NALF1: variants seen among roughly 807,000 people sequenced by gnomAD.
The protein encoded by NALF1 is NALCN channel auxiliary factor 1.
Under a neutral mutation model 48.4 loss-of-function variants are expected in NALF1, and 3 were observed. The observed-to-expected ratio is 0.06, with a 90% CI of 0.03 to 0.16. The LOEUF (loss-of-function observed/expected upper bound fraction) is 0.16. Among genes scored for constraint, NALF1 ranks in the 10% least tolerant of loss-of-function variants. The pLI is 1.00. For synonymous variants in NALF1, 262 were observed against 245.7 expected (o/e 1.07, Z -0.62); for missense variants, 526 against 571.5 (o/e 0.92, Z 0.81).
chr13:107,782,181 G>A (rs534725718), intron 1 of NALF1, among the ~76,000 whole-genome samples: 13 of 152,270 alleles, frequency 8.5e-5, no homozygotes, highest in African/African-American at 3.1e-4. Flanking sequence ...AGCCTGCCGA[G>A]TGCCTGCGAT....
intron 1 of NALF1, among the ~76,000 whole-genome samples, chr13:107,523,595 G>C (rs1594109143): frequency 7.4e-6 from 1 of 135,720 alleles, no homozygotes; most frequent in African/African-American, 2.8e-5. Flanking sequence ...CAGAGTTCCA[G>C]TTGTCAAGTC....
At chr13:107,384,253 AAAAAC>A (rs529162085) in intron 1 of NALF1, among the ~76,000 whole-genome samples, 12 of 151,946 alleles carry the variant, frequency 7.9e-5, no homozygotes, top group Non-Finnish European at 1.0e-4. Context: ...ATCCTGTCTC[AAAAAC>A]AAAACAAAAC....
Position 107,297,671 on chromosome 13 carries a change from T to C in NALF1, c.916-86916A>G, listed in dbSNP as rs900486665. On this transcript the variant is annotated intron_variant, in intron 1 of 2. Coordinates refer to ENST00000375915, the MANE Select transcript of NALF1 (RefSeq NM_001080396.3). Reference sequence around the variant, plus strand: ...ACATTTGAAAGGAGGCCTAGCCCGATAGATATAATTCAAACTGAAGTTAAA... The same window carrying C: ...ACATTTGAAAGGAGGCCTAGCCCGACAGATATAATTCAAACTGAAGTTAAA... Among the ~76,000 whole-genome samples the C allele has an allele frequency of 3.3e-5, 5 of 152,362 alleles. No individual in the cohort carries two copies. The East Asian group carries it at 5.8e-4, about 18-fold the overall frequency.
intron 1 of NALF1, among the ~76,000 whole-genome samples, chr13:107,740,985 T>C (rs185401269): frequency 5.2e-4 from 79 of 152,376 alleles, no homozygotes; most frequent in Admixed American, 9.8e-4. Context: ...TCATGATGTT[T>C]ATTCATTCAT....
intron 1 of NALF1, among the ~76,000 whole-genome samples, chr13:107,644,735 A>AG (rs1464682721): frequency 6.7e-6 from 1 of 149,708 alleles, no homozygotes; most frequent in Non-Finnish European, 1.5e-5. Context: ...GGTCTAAAAC[A>AG]TGGTCTTAAA....
intron 2 of NALF1, among the ~76,000 whole-genome samples, chr13:107,172,918 C>G (rs1878835670): frequency 1.3e-5 from 2 of 152,154 alleles, no homozygotes. Context: ...TTCATTCAGG[C>G]CAATAAATGA....
intron 1 of NALF1, among the ~76,000 whole-genome samples, chr13:107,229,020 T>G (rs1880165628): frequency 6.6e-6 from 1 of 152,126 alleles, no homozygotes; most frequent in African/African-American, 2.4e-5. Flanking sequence ...GATTATCCTC[T>G]GTGGTTTAAG....
At chr13:107,240,035 CACTT>C (rs1156847833) in intron 1 of NALF1, among the ~76,000 whole-genome samples, 5 of 152,272 alleles carry the variant, frequency 3.3e-5, no homozygotes, top group East Asian at 3.9e-4. Context: ...GTAGGAATGT[CACTT>C]ACAAGTCACA....
intron 1 of NALF1, among the ~76,000 whole-genome samples, chr13:107,581,669 A>G (rs1465114267): frequency 6.6e-6 from 1 of 152,208 alleles, no homozygotes; most frequent in Non-Finnish European, 1.5e-5. Context: ...ATGTCTGGAT[A>G]ATGGATATAT....
At chr13:107,587,774 AGATT>A (rs1242001674) in intron 1 of NALF1, among the ~76,000 whole-genome samples, 1 of 152,096 alleles carries the variant, frequency 6.6e-6, no homozygotes, top group Non-Finnish European at 1.5e-5. Context: ...TTTTTTTATT[AGATT>A]AATTGTTGTC....
At chr13:107,225,058 G>C (rs1419488006) in intron 1 of NALF1, among the ~76,000 whole-genome samples, 1 of 151,986 alleles carries the variant, frequency 6.6e-6, no homozygotes, top group Non-Finnish European at 1.5e-5. Context: ...ACCCAGGCTG[G>C]AGTGCAGTGG....
chr13:107,438,680 G>C (rs537834100), intron 1 of NALF1, among the ~76,000 whole-genome samples: 1 of 151,638 alleles, frequency 6.6e-6, no homozygotes, highest in African/African-American at 2.4e-5. Flanking sequence ...AACCAGCCAG[G>C]TGTGGTTGGT....
intron 2 of NALF1, among the ~76,000 whole-genome samples, chr13:107,186,330 C>T (rs1879170877): frequency 6.6e-6 from 1 of 152,054 alleles, no homozygotes; most frequent in South Asian, 2.1e-4. Flanking sequence ...CCAACTTTAC[C>T]ACTGTCTGGT....
chr13:107,706,492 T>C (rs1454115847), intron 1 of NALF1, among the ~76,000 whole-genome samples: 4 of 152,244 alleles, frequency 2.6e-5, no homozygotes, highest in African/African-American at 9.6e-5. Context: ...TTTCTTATCA[T>C]ATTTATTTCT....
chr13:107,166,139 G>A lies in NALF1; in HGVS notation c.*4358C>T, dbSNP rs1162883520. On this transcript the variant is annotated 3_prime_UTR_variant, in exon 3 of 3. Coordinates refer to ENST00000375915, the MANE Select transcript of NALF1 (RefSeq NM_001080396.3). ...GCACACTTATGAAATTAAATACCTG[G>A]CTGGGTGTGGTATCTCACGCCTGTA... is the stretch of plus-strand genomic sequence containing the variant. The A allele has an allele frequency of 1.3e-5, 2 of 151,980 alleles. No individual in the cohort carries two copies. Among genetic ancestry groups the A allele is most frequent in the Non-Finnish European group, 2.9e-5 (2 of 68,024 alleles). The allele number at this position is 151,980 out of a possible 1,614,324, so 9.4% of individuals were successfully genotyped here.
chr13:107,217,434 A>G (rs1879896058), intron 1 of NALF1, among the ~76,000 whole-genome samples: 1 of 152,108 alleles, frequency 6.6e-6, no homozygotes, highest in African/African-American at 2.4e-5. Context: ...CTTCTGTTCC[A>G]AGCTTGTTTC....
chr13:107,552,700 C>T (rs138528275), intron 1 of NALF1, among the ~76,000 whole-genome samples: 6 of 152,064 alleles, frequency 3.9e-5, no homozygotes, highest in Non-Finnish European at 5.9e-5. Context: ...CATAATGATT[C>T]GGACTTTATT....
intron 1 of NALF1, among the ~76,000 whole-genome samples, chr13:107,651,275 G>A (rs146897778): frequency 3.2e-3 from 488 of 152,200 alleles, no homozygotes; most frequent in Non-Finnish European, 3.8e-3. Context: ...TTACTTGCAC[G>A]GAGCAATAGT....
chr13:107,757,615 A>C (rs564232940), intron 1 of NALF1, among the ~76,000 whole-genome samples: 2 of 152,246 alleles, frequency 1.3e-5, no homozygotes, highest in East Asian at 3.9e-4. Flanking sequence ...TGAAAAACTT[A>C]GGAGAATATC....
Sources: gnomAD v4.1 joint callset for allele counts (sites outside exome capture counted in the v4.1 genomes callset) on GRCh38, gnomAD v4.1.1 for gene constraint, MANE v1.5 for transcripts, NCBI Gene and HGNC (gene_info 2026-07-23, HGNC 2026-07-21) for gene names.